ZNF107: variants seen among roughly 807,000 people sequenced by gnomAD.
ZNF107 encodes the protein zinc finger protein 107.
A neutral mutation model predicts 12.3 loss-of-function variants in ZNF107; 19 were observed. That is an observed-to-expected ratio of 1.55 (90% CI 1.08 to 2.27). The LOEUF is 2.27. Ranked by LOEUF, ZNF107 falls within the 30% of genes most tolerant of loss-of-function variation. The probability of loss-of-function intolerance (pLI) is 0.00; values close to 1 mark genes in which losing one functional copy is unlikely to be tolerated. For synonymous variants in ZNF107, 317 were observed against 330.5 expected (o/e 0.96, Z 0.44); for missense variants, 958 against 979.9 (o/e 0.98, Z 0.30).
intron 1 of ZNF107, among the ~76,000 whole-genome samples, chr7:64,686,107 G>A (rs1584475747): frequency 1.3e-5 from 2 of 152,108 alleles, no homozygotes; most frequent in Non-Finnish European, 2.9e-5. Flanking sequence ...CCGTGGCTTA[G>A]ACCTCCTAAC....
At chr7:64,679,234 G>A in intron 1 of ZNF107, 1 of 985,044 alleles carries the variant, frequency 1.0e-6, no homozygotes, top group Non-Finnish European at 1.2e-6. Flanking sequence ...TCCTTTGGGA[G>A]TCGTGTCCCT....
In ZNF107 at chr7:64,709,930, G is replaced by T. The variant is rs1790829295; in HGVS notation, c.*1274G>T. 3.4e-6 allele frequency: 1 copy of T among 298,442 alleles called. No homozygotes were observed. The highest frequency in any genetic ancestry group is 2.3e-5 in the African/African-American group (1 of 42,970). The allele number at this position is 298,442 out of a possible 1,614,324, so 18.5% of individuals were successfully genotyped here. The stretch of plus-strand genomic sequence containing the variant: ...ACCTGAGGGCAGGAGTCTGAGACCA[G>T]CCTGGCCAACATAGCAAAACCCCAT... On this transcript the variant is annotated 3_prime_UTR_variant, in exon 4 of 4. Coordinates refer to ENST00000620827, the MANE Select transcript of ZNF107 (RefSeq NM_001282359.2).
chr7:64,698,110 G>C (rs186742298), intron 3 of ZNF107, among the ~76,000 whole-genome samples: 1 of 152,102 alleles, frequency 6.6e-6, no homozygotes, highest in Admixed American at 6.6e-5. Flanking sequence ...ATTCTAATTG[G>C]TGTGAGGTGA....
At position 64,706,836 on chromosome 7, in the gene ZNF107, C is replaced by A; in HGVS notation, c.739C>A (p.His247Asn). The change falls in exon 4 of 4, where the codon CAT becomes AAT. Residue 247 changes from histidine to asparagine, a missense_variant. Transcript: ENST00000620827. ...AFNQSSQLTR[H>N]KIIHTEEKPN... ...TAACCAGTCCTCACAACTTACTAGG[C>A]ATAAGATAATTCATACTGAAGAGAA... 1 of 1,613,576 alleles carries A rather than the reference C, an allele frequency of 6.2e-7. No homozygotes were observed. The highest frequency in any genetic ancestry group is 1.3e-5 in the African/African-American group (1 of 75,024).
intron 3 of ZNF107, among the ~76,000 whole-genome samples, chr7:64,693,704 A>T (rs1050794241): frequency 1.3e-5 from 2 of 152,302 alleles, no homozygotes; most frequent in East Asian, 3.9e-4. Context: ...TCGGGTCTGC[A>T]TATGGTAGGC....
rs1790748376 is a variant in ZNF107 at position 64,708,188 on chromosome 7, A to T, written c.2091A>T (p.Arg697Ser). ...TCTCAAACCTAACTATACATAAGAG[A>T]ATTCATACGGGAGAGAAACCTTACC... ...NRFSNLTIHK[R>S]IHTGEKPYQC... is the part of the protein sequence containing the mutation. The change falls in exon 4 of 4, where the codon AGA (arginine) becomes AGT (serine). Residue 697 changes from arginine to serine, a missense_variant. Transcript: ENST00000620827. 1.9e-6 allele frequency: 3 copies of T among 1,612,314 alleles called. No individual in the cohort carries two copies. In the African/African-American group the frequency reaches 4.0e-5, roughly 22 times the overall value.
chr7:64,706,239 T>C (rs773438425), intron 3 of ZNF107, 85 bp from the exon 4 acceptor site: 179 of 1,252,276 alleles, frequency 1.4e-4, no homozygotes, highest in Non-Finnish European at 1.6e-4. Context: ...GCTTATGTAG[T>C]TTGTATAATT....
chr7:64,672,432 C>G (rs1174799886), intron 1 of ZNF107, among the ~76,000 whole-genome samples: 1 of 152,162 alleles, frequency 6.6e-6, no homozygotes, highest in Non-Finnish European at 1.5e-5. Context: ...TCTTGGCTCA[C>G]TGCAGCCTCA....
At chr7:64,697,388 G>A (rs1042199077) in intron 3 of ZNF107, among the ~76,000 whole-genome samples, 10 of 151,598 alleles carry the variant, frequency 6.6e-5, no homozygotes, top group Admixed American at 3.9e-4. Flanking sequence ...CTGAGGAATC[G>A]CCACACCGAC....
intron 1 of ZNF107, among the ~76,000 whole-genome samples, chr7:64,670,439 T>G (rs1055190692): frequency 6.6e-6 from 1 of 152,220 alleles, no homozygotes; most frequent in African/African-American, 2.4e-5. Flanking sequence ...TGGCTCAGAC[T>G]GAGGGTACCT....
chr7:64,679,974 CCTT>C (rs1789590158), intron 1 of ZNF107, among the ~76,000 whole-genome samples: 1 of 152,152 alleles, frequency 6.6e-6, no homozygotes, highest in Non-Finnish European at 1.5e-5. Flanking sequence ...GACAGCGAGT[CCTT>C]CTTGTCCACA....
At chr7:64,668,763 A>C (rs1477964152) in intron 1 of ZNF107, among the ~76,000 whole-genome samples, 1 of 152,054 alleles carries the variant, frequency 6.6e-6, no homozygotes, top group Non-Finnish European at 1.5e-5. Flanking sequence ...GGTGATGTCC[A>C]ACGGTATTCC....
chr7:64,708,802 A>G lies in ZNF107; in HGVS notation c.*146A>G, dbSNP rs1790790892. 4.9e-6 allele frequency: 4 copies of G among 813,592 alleles called. No homozygotes were observed. The East Asian group carries it at 1.1e-4, about 22-fold the overall frequency. 50.4% of individuals were successfully genotyped at this position (813,592 alleles called of 1,614,324 possible). ...TACTGGTGAGAAACCTTACAATGTAAAGAATGTGGCACAGCTTTTAACTAA... is the reference window on the plus strand; with the variant it reads ...TACTGGTGAGAAACCTTACAATGTAGAGAATGTGGCACAGCTTTTAACTAA... On this transcript the variant is annotated 3_prime_UTR_variant, in exon 4 of 4. Transcript: ENST00000620827.
chr7:64,687,496 C>T, intron 1 of ZNF107: 1 of 985,366 alleles, frequency 1.0e-6, no homozygotes, highest in Non-Finnish European at 1.2e-6. Flanking sequence ...GGCTCTGCCT[C>T]AGTGGCAGAT....
In ZNF107 at chr7:64,709,551, A is replaced by G; in HGVS notation, c.*895A>G. 1 of 376,912 alleles carries G rather than the reference A, an allele frequency of 2.7e-6. No homozygotes were observed. Among genetic ancestry groups the G allele is most frequent in the South Asian group, 1.9e-5 (1 of 52,962 alleles). The allele number at this position is 376,912 out of a possible 1,614,324, so 23.3% of individuals were successfully genotyped here. Reference sequence around the variant, plus strand: ...ATCCTAGAAATGTGAAAAATATCACAAAGCCTTTAAATGGTTGTCACACTT... The same window carrying G: ...ATCCTAGAAATGTGAAAAATATCACGAAGCCTTTAAATGGTTGTCACACTT... On this transcript the variant is annotated 3_prime_UTR_variant, in exon 4 of 4. Transcript: ENST00000620827.
At chr7:64,666,813 T>C (rs73361867) in intron 1 of ZNF107, among the ~76,000 whole-genome samples, 7,153 of 152,142 alleles carry the variant, frequency 0.047, 454 homozygotes, top group African/African-American at 0.14. Context: ...TTATTTTCCA[T>C]GGGAGGGGCT....
chr7:64,674,259 T>G (rs1262467434), intron 1 of ZNF107, among the ~76,000 whole-genome samples: 1 of 152,248 alleles, frequency 6.6e-6, no homozygotes, highest in Non-Finnish European at 1.5e-5. Context: ...AAAACGATTT[T>G]CCATTTATTT....
rs1428666639 is a variant in ZNF107 at position 64,708,516 on chromosome 7, C to A, written c.2419C>A (p.His807Asn). 4.3e-6 allele frequency: 7 copies of A among 1,612,882 alleles called. No homozygotes were observed. Among genetic ancestry groups the A allele is most frequent in the Non-Finnish European group, 5.9e-6 (7 of 1,179,510 alleles). ...SFNQFSSLNI[H>N]KIIHTGEKPY... ...TAACCAGTTCTCATCTCTTAATATA[C>A]ATAAGATAATTCATACTGGAGAGAA... The change falls in exon 4 of 4, where the codon CAT becomes AAT. Residue 807 changes from histidine (H) to asparagine (N), a missense_variant. Transcript: ENST00000620827.
intron 3 of ZNF107, among the ~76,000 whole-genome samples, chr7:64,695,334 A>G (rs1790253359): frequency 6.6e-6 from 1 of 152,180 alleles, no homozygotes; most frequent in Non-Finnish European, 1.5e-5. Flanking sequence ...CACACAACAC[A>G]TGCCAGTGAT....
Sources: allele counts gnomAD v4.1 joint callset (sites outside exome capture counted in the v4.1 genomes callset), GRCh38; gene constraint gnomAD v4.1.1; transcripts MANE v1.5; gene names NCBI Gene and HGNC (gene_info 2026-07-23, HGNC 2026-07-21).